RIC3: variants seen among roughly 807,000 people sequenced by gnomAD.
RIC3 encodes RIC3 acetylcholine receptor chaperone, also known as protein RIC-3.
Under a neutral mutation model 27.3 loss-of-function variants are expected in RIC3, and 28 were observed. The observed-to-expected ratio is 1.02, with a 90% CI of 0.76 to 1.41. The LOEUF is 1.41. RIC3 is among the 40% of genes most tolerant of loss of function. The probability of loss-of-function intolerance (pLI) is 0.00; values close to 1 mark genes in which losing one functional copy is unlikely to be tolerated. For synonymous variants in RIC3, 184 were observed against 160.4 expected (o/e 1.15, Z -1.11); for missense variants, 501 against 444.7 (o/e 1.13, Z -1.14).
intron 5 of RIC3, among the ~76,000 whole-genome samples, chr11:8,122,589 A>G (rs1946574697): frequency 6.6e-6 from 1 of 152,200 alleles, no homozygotes; most frequent in African/African-American, 2.4e-5. Context: ...TACTTGAGTC[A>G]TAAGAGTGCA....
chr11:8,100,694 GA>G, the RIC3 span: 2 of 1,482,872 alleles, frequency 1.3e-6, no homozygotes, highest in Non-Finnish European at 1.8e-6. Context: ...TGTGTATGTG[GA>G]GGGGTACCAT....
At chr11:8,160,240 G>A (rs1951049436) in intron 1 of RIC3, among the ~76,000 whole-genome samples, 1 of 152,204 alleles carries the variant, frequency 6.6e-6, no homozygotes, top group African/African-American at 2.4e-5. Flanking sequence ...ATAATCCAGT[G>A]AATGGGGGGA....
At chr11:8,096,647 C>A in the RIC3 span, 3 of 1,389,248 alleles carry the variant, frequency 2.2e-6, no homozygotes, top group African/African-American at 1.4e-5. Context: ...GCGTAGACTT[C>A]TCCTCCTTCA....
chr11:8,097,142 G>A, the RIC3 span: 44 of 1,480,448 alleles, frequency 3.0e-5, no homozygotes, highest in South Asian at 2.7e-4. Context: ...CCACCGCCAC[G>A]TTAGGAGGCA....
chr11:8,097,318 C>T, the RIC3 span: 13 of 1,614,024 alleles, frequency 8.1e-6, 1 homozygote, highest in Non-Finnish European at 1.1e-5. Flanking sequence ...GAGGCCGGCC[C>T]CCCAGGGTAT....
the RIC3 span, chr11:8,096,557 G>T: frequency 2.8e-6 from 2 of 716,354 alleles, no homozygotes; most frequent in Non-Finnish European, 5.1e-6. Context: ...ATATGGCTAA[G>T]AGTGTGTGCA....
chr11:8,147,254 A>T (rs572138026), intron 1 of RIC3, among the ~76,000 whole-genome samples: 1 of 152,220 alleles, frequency 6.6e-6, no homozygotes, highest in South Asian at 2.1e-4. Flanking sequence ...TAAAATGTAT[A>T]AAACTAAGCT....
At chr11:8,112,886 T>G (rs537103116) in intron 5 of RIC3, among the ~76,000 whole-genome samples, 1 of 152,218 alleles carries the variant, frequency 6.6e-6, no homozygotes, top group Non-Finnish European at 1.5e-5. Flanking sequence ...TTCTTTAAGA[T>G]AGACTTCTAT....
At chr11:8,156,913 A>G (rs1281214559) in intron 1 of RIC3, among the ~76,000 whole-genome samples, 2 of 152,124 alleles carry the variant, frequency 1.3e-5, no homozygotes, top group African/African-American at 2.4e-5. Flanking sequence ...AACAGGTAAC[A>G]TTTTCCACTA....
At chr11:8,155,268 C>G (rs1036333848) in intron 1 of RIC3, among the ~76,000 whole-genome samples, 1 of 147,028 alleles carries the variant, frequency 6.8e-6, no homozygotes, top group African/African-American at 2.5e-5. Flanking sequence ...TTAAGCTTAA[C>G]TAAAAACTTA....
chr11:8,101,381 C>G, downstream of RIC3: 1 of 1,417,796 alleles, frequency 7.1e-7, no homozygotes, highest in Non-Finnish European at 9.8e-7. Flanking sequence ...ATCTCTGCTT[C>G]TCACTTGTTC....
At chr11:8,097,625 G>T in the RIC3 span, 16 of 1,336,808 alleles carry the variant, frequency 1.2e-5, no homozygotes, top group Non-Finnish European at 1.7e-5. Flanking sequence ...GGGAGCTGAC[G>T]CAACGGAGAG....
chr11:8,131,448 G>A (rs1947692415), intron 4 of RIC3, among the ~76,000 whole-genome samples: 1 of 152,106 alleles, frequency 6.6e-6, no homozygotes, highest in Admixed American at 6.6e-5. Context: ...TGCCATCTTG[G>A]ACATTCATTC....
At chr11:8,136,860 G>C (rs939866289) in intron 4 of RIC3, among the ~76,000 whole-genome samples, 60 of 152,092 alleles carry the variant, frequency 3.9e-4, no homozygotes, top group Admixed American at 1.6e-3. Flanking sequence ...ACAATAATTT[G>C]CACATTAAAC....
chr11:8,140,111 CCTCT>C lies in RIC3; in HGVS notation c.203_206del (p.Gln68ArgfsTer27). On this transcript the variant is annotated frameshift_variant, in exon 2 of 6. Coordinates refer to ENST00000309737, the MANE Select transcript of RIC3 (RefSeq NM_001206671.4). LOFTEE classifies it high-confidence loss of function. ...TTGCAAATGCCTCGGCAAGGTGAGA[CCTCT>C]GGAAACGAGCCCCAGGAGTCTGGCC... 2 of 1,614,112 alleles carry C rather than the reference CCTCT, an allele frequency of 1.2e-6. No individual in the cohort carries two copies. The highest frequency in any genetic ancestry group is 1.7e-6 in the Non-Finnish European group (2 of 1,180,028).
At position 8,126,702 on chromosome 11, in the gene RIC3, T is replaced by C; in HGVS notation, c.627A>G (p.Pro209=). 6.2e-7 allele frequency: 1 copy of C among 1,614,214 alleles called. No individual in the cohort carries two copies. The highest frequency in any genetic ancestry group is 1.3e-5 in the African/African-American group (1 of 75,062). Residue 209 remains proline, a synonymous_variant, in exon 5 of 6, where the codon CCA becomes CCG. Transcript: ENST00000309737. ...AAGGGGCCTCCTCAGCTTCTTTCTC[T>C]GGAGAAAATCTGTCAATGAATTTTC... ...KEGKFIDRFS[P]EKEAEEAPYM... is the part of the protein sequence containing the mutation.
the RIC3 span, among the ~76,000 whole-genome samples, chr11:8,092,972 CTTAAATATTTA>C: frequency 6.6e-6 from 1 of 152,090 alleles, no homozygotes; most frequent in South Asian, 2.1e-4. Flanking sequence ...TCATTCAGTT[CTTAAATATTTA>C]TTGAGGTTTG....
chr11:8,100,278 G>GC, the RIC3 span, among the ~76,000 whole-genome samples: 9,419 of 152,198 alleles, frequency 0.062, 587 homozygotes, highest in African/African-American at 0.16. Flanking sequence ...TGGAAGAACA[G>GC]CATTGCCGTG....
the RIC3 span, among the ~76,000 whole-genome samples, chr11:8,099,206 C>G: frequency 6.6e-6 from 1 of 152,052 alleles, no homozygotes; most frequent in Non-Finnish European, 1.5e-5. Context: ...CTCTGGCATG[C>G]CAGGTTCTAC....
Sources: allele counts gnomAD v4.1 joint callset (sites outside exome capture counted in the v4.1 genomes callset), GRCh38; gene constraint gnomAD v4.1.1; transcripts MANE v1.5; gene names NCBI Gene and HGNC (gene_info 2026-07-23, HGNC 2026-07-21).